Variants in BCL10 observed in about 807,000 individuals in gnomAD.
BCL10 encodes B-cell lymphoma/leukemia 10.
A neutral mutation model predicts 19.2 loss-of-function variants in BCL10; 5 were observed. The ratio of observed to expected loss-of-function variants is 0.26; its 90% CI spans 0.14 to 0.55. BCL10 has a LOEUF of 0.55. Among genes scored for constraint, BCL10 ranks in the 20% least tolerant of loss-of-function variants. The pLI is 0.94. For missense variants in BCL10, 201 were observed against 271.9 expected (o/e 0.74, Z 1.83); for synonymous variants, 110 against 98.8 (o/e 1.11, Z -0.67).
intron 2 of BCL10, among the ~76,000 whole-genome samples, chr1:85,269,924 T>C (rs571366003): frequency 6.6e-6 from 1 of 152,336 alleles, no homozygotes; most frequent in East Asian, 1.9e-4. Context: ...CCTATAAACA[T>C]ATGCCAATTA....
intron 2 of BCL10, 37 bp from the exon 3 acceptor site, chr1:85,268,019 A>G (rs781336752): frequency 7.2e-7 from 1 of 1,395,258 alleles, no homozygotes; most frequent in Non-Finnish European, 9.6e-7. Flanking sequence ...TGAAAAAGTA[A>G]CTAAAAAAAT....
At chr1:85,272,388 C>G (rs1660390858) in intron 1 of BCL10, among the ~76,000 whole-genome samples, 1 of 151,380 alleles carries the variant, frequency 6.6e-6, no homozygotes, top group African/African-American at 2.4e-5. Flanking sequence ...AGCCACCATG[C>G]CCGGCTAATT....
chr1:85,266,052 TA>T lies in BCL10; in HGVS notation c.*1574del, dbSNP rs141801748. Among the ~76,000 whole-genome samples the T allele has an allele frequency of 6.6e-6, 1 of 151,992 alleles. No homozygotes were observed. Among genetic ancestry groups the T allele is most frequent in the East Asian group, 1.9e-4 (1 of 5,202 alleles). On this transcript the variant is annotated 3_prime_UTR_variant, in exon 3 of 3. Transcript: ENST00000648566. ...TATAATCCTTAGAAAGTGCTTATAC[TA>T]AAAAAAATCCAATCTTTAAAAATTT...
intron 1 of BCL10, among the ~76,000 whole-genome samples, chr1:85,273,819 G>C (rs1390415385): frequency 6.6e-6 from 1 of 152,150 alleles, no homozygotes; most frequent in Admixed American, 6.5e-5. Context: ...GTTCTCCTCA[G>C]TCCATGAAAC....
Position 85,276,324 on chromosome 1 carries a change from T to G in BCL10, c.29A>C (p.Glu10Ala), listed in dbSNP as rs944883661. 6.2e-7 allele frequency: 1 copy of G among 1,613,166 alleles called. No individual in the cohort carries two copies. The highest frequency in any genetic ancestry group is 8.5e-7 in the Non-Finnish European group (1 of 1,179,496). MEPTAPSLT[E>A]EDLTEVKKDA... ...CTTCTTCACTTCAGTGAGGTCCTCC[T>G]CGGTGAGGGACGGTGCGGTGGGCTC... The change falls in exon 1 of 3, where the codon GAG becomes GCG. Residue 10 changes from glutamate (E) to alanine (A), a missense_variant. Glu to Ala is a moderately radical substitution (Grantham distance 107). This residue lies in a region of BCL10 where 24 missense variants were observed against 16.6 expected (regional missense o/e 1.45). Coordinates refer to ENST00000648566, the MANE Select transcript of BCL10 (RefSeq NM_003921.5).
In BCL10 at chr1:85,276,561, G is replaced by A; in HGVS notation, c.-209C>T. 3.3e-6 allele frequency: 2 copies of A among 601,798 alleles called. No individual in the cohort carries two copies. Among genetic ancestry groups the A allele is most frequent in the Middle Eastern group, 4.4e-4 (1 of 2,256 alleles). The allele number at this position is 601,798 out of a possible 1,614,324, so 37.3% of individuals were successfully genotyped here. A position where few individuals can be genotyped will look rare whatever the true frequency, so the allele number is the denominator to read the frequency against. ...CCCCGCCTCTGAGGTCGACGGCGAC[G>A]CGAATCTACGCGACGCGACGCGGAG... On this transcript the variant is annotated 5_prime_UTR_variant, in exon 1 of 3. Coordinates refer to ENST00000648566, the MANE Select transcript of BCL10 (RefSeq NM_003921.5).
At chr1:85,275,717 T>A (rs1268484110) in intron 1 of BCL10, among the ~76,000 whole-genome samples, 3 of 152,228 alleles carry the variant, frequency 2.0e-5, no homozygotes, top group Non-Finnish European at 4.4e-5. Context: ...ACTGAATATT[T>A]TCGACGTTTA....
At chr1:85,269,641 T>TA (rs1240259986) in intron 2 of BCL10, among the ~76,000 whole-genome samples, 1 of 152,236 alleles carries the variant, frequency 6.6e-6, no homozygotes, top group African/African-American at 2.4e-5. Flanking sequence ...AGCCCTAAAT[T>TA]ATTCTTTTCT....
At position 85,266,836 on chromosome 1, in the gene BCL10, G is replaced by C. The variant is rs113451594; in HGVS notation, c.*791C>G. ...AGAAGTTGCAGTGAGCCTAGAATGC[G>C]CCACTGCACTCCAGCCTGGGCGATA... On this transcript the variant is annotated 3_prime_UTR_variant, in exon 3 of 3. Coordinates refer to ENST00000648566, the MANE Select transcript of BCL10 (RefSeq NM_003921.5). 1 of 157,830 alleles carries C rather than the reference G, an allele frequency of 6.3e-6. No individual in the cohort carries two copies. The highest frequency in any genetic ancestry group is 1.2e-5 in the Non-Finnish European group (1 of 80,038). The allele number at this position is 157,830 out of a possible 1,614,324, so 9.8% of individuals were successfully genotyped here. A position where few individuals can be genotyped will look rare whatever the true frequency, so the allele number is the denominator to read the frequency against.
chr1:85,272,571 GA>G (rs1660397579), intron 1 of BCL10, among the ~76,000 whole-genome samples: 1 of 151,574 alleles, frequency 6.6e-6, no homozygotes, highest in Non-Finnish European at 1.5e-5. Context: ...TGTTAATTTA[GA>G]AAAAAAATTA....
chr1:85,271,393 A>G (rs1660367587), intron 1 of BCL10, among the ~76,000 whole-genome samples: 1 of 152,216 alleles, frequency 6.6e-6, no homozygotes, highest in Non-Finnish European at 1.5e-5. Flanking sequence ...CTAAACTGAA[A>G]GAGCCCATAA....
intron 1 of BCL10, among the ~76,000 whole-genome samples, chr1:85,274,954 C>G (rs564334924): frequency 6.6e-6 from 1 of 152,358 alleles, no homozygotes; most frequent in Admixed American, 6.5e-5. Context: ...CTGGAAGCCA[C>G]TCTTCACATC....
In BCL10 at chr1:85,267,588, AT is replaced by A. The variant is rs768244223; in HGVS notation, c.*38del. On this transcript the variant is annotated 3_prime_UTR_variant, in exon 3 of 3. Coordinates refer to ENST00000648566, the MANE Select transcript of BCL10 (RefSeq NM_003921.5). ...TATAAAAAGTCATATTCTTTAAAAC[AT>A]TTTTTGTCATCATTAAAAATTAAAA... 4 of 1,481,336 alleles carry A rather than the reference AT, an allele frequency of 2.7e-6. No homozygotes were observed. The highest frequency in any genetic ancestry group is 2.7e-5 in the South Asian group (2 of 75,164). 91.8% of individuals were successfully genotyped at this position (1,481,336 alleles called of 1,614,324 possible). A position where few individuals can be genotyped will look rare whatever the true frequency, so the allele number is the denominator to read the frequency against.
At chr1:85,276,261 C>T (rs773567331) in intron 1 of BCL10, 35 bp downstream of exon 1, 9 of 1,609,880 alleles carry the variant, frequency 5.6e-6, no homozygotes, top group Non-Finnish European at 7.7e-6. Context: ...CTGCAGCCCG[C>T]CCCCGCCCGC....
rs1660218177 is a variant in BCL10 at position 85,267,026 on chromosome 1, A to G, written c.*601T>C. ...ATCCTAACAAAGTAGTATAATTAGTAAGGTTAATTAGAAATGAATTTTGGC... is the reference window on the plus strand; with the variant it reads ...ATCCTAACAAAGTAGTATAATTAGTGAGGTTAATTAGAAATGAATTTTGGC... On this transcript the variant is annotated 3_prime_UTR_variant, in exon 3 of 3. Coordinates refer to ENST00000648566, the MANE Select transcript of BCL10 (RefSeq NM_003921.5). The G allele has an allele frequency of 5.2e-6, 1 of 190,860 alleles. No individual in the cohort carries two copies. Among genetic ancestry groups the G allele is most frequent in the South Asian group, 2.0e-4 (1 of 5,128 alleles). 11.8% of individuals were successfully genotyped at this position (190,860 alleles called of 1,614,324 possible).
Position 85,276,463 on chromosome 1 carries a change from G to T in BCL10, c.-111C>A. 1 of 1,290,954 alleles carries T rather than the reference G, an allele frequency of 7.7e-7. No homozygotes were observed. Among genetic ancestry groups the T allele is most frequent in the Non-Finnish European group, 1.1e-6 (1 of 905,704 alleles). 80.0% of individuals were successfully genotyped at this position (1,290,954 alleles called of 1,614,324 possible). On this transcript the variant is annotated 5_prime_UTR_variant, in exon 1 of 3. Transcript: ENST00000648566. ...TAATGGGGAAGAAGGAGAGGAGGCG[G>T]AGCGGGTCGGGAGAAAGACGGCCGC...
At chr1:85,273,073 T>C (rs1203233198) in intron 1 of BCL10, among the ~76,000 whole-genome samples, 1 of 152,186 alleles carries the variant, frequency 6.6e-6, no homozygotes, top group African/African-American at 2.4e-5. Context: ...GTGGTCATCT[T>C]CTTTGGAAAG....
In BCL10 at chr1:85,276,474, G is replaced by C. The variant is rs1060843; in HGVS notation, c.-122C>G. ...AAGGAGAGGAGGCGGAGCGGGTCGG[G>C]AGAAAGACGGCCGCCCCTTCGGGAA... On this transcript the variant is annotated 5_prime_UTR_variant, in exon 1 of 3. Transcript: ENST00000648566. 0.099 allele frequency: 112,748 copies of C among 1,134,980 alleles called. 6,597 individuals are homozygous for C. The highest frequency in any genetic ancestry group is 0.24 in the East Asian group (9,499 of 39,936). The allele number at this position is 1,134,980 out of a possible 1,614,324, so 70.3% of individuals were successfully genotyped here.
chr1:85,273,561 CTCTT>C (rs1434893239), intron 1 of BCL10, among the ~76,000 whole-genome samples: 1 of 152,222 alleles, frequency 6.6e-6, no homozygotes, highest in Non-Finnish European at 1.5e-5. Context: ...GCTCAGATCT[CTCTT>C]CTGATCTTTG....
Sources: gnomAD v4.1 joint callset for allele counts (sites outside exome capture counted in the v4.1 genomes callset) on GRCh38, gnomAD v4.1.1 for gene constraint, gnomAD v4.1.1 regional missense constraint, MANE v1.5 for transcripts, NCBI Gene and HGNC (gene_info 2026-07-23, HGNC 2026-07-21) for gene names.